The following ADAMTSL1 variants were observed in gnomAD, a reference collection of about 807,000 sequenced individuals.
ADAMTSL1 encodes the protein ADAMTS like 1.
A neutral mutation model predicts 201.8 loss-of-function variants in ADAMTSL1; 126 were observed. The ratio of observed to expected loss-of-function variants is 0.62; its 90% confidence interval spans 0.54 to 0.72. The LOEUF (loss-of-function observed/expected upper bound fraction) is 0.72. Among genes scored for constraint, ADAMTSL1 ranks in the 30% least tolerant of loss-of-function variants. The probability of loss-of-function intolerance (pLI) is 0.00; values close to 1 mark genes in which losing one functional copy is unlikely to be tolerated. For synonymous variants in ADAMTSL1, 1,121 were observed against 903.4 expected, an observed-to-expected ratio of 1.24 and a Z score of -4.32; for missense variants, 2,679 against 2,277.8, an observed-to-expected ratio of 1.18 and a Z score of -3.59.
chr9:18,838,322 T>A (rs1178662771), intron 23 of ADAMTSL1, among the ~76,000 whole-genome samples: 1 of 149,174 alleles, frequency 6.7e-6, no homozygotes. Flanking sequence ...GAGGTATAAT[T>A]CAAATGAGAT....
At chr9:18,350,498 A>G (rs1486248552) in intron 2 of ADAMTSL1, among the ~76,000 whole-genome samples, 1 of 148,086 alleles carries the variant, frequency 6.8e-6, no homozygotes, top group Non-Finnish European at 1.5e-5. Context: ...GAGAAGGGAA[A>G]GGAGCAAGGA....
At chr9:18,147,723 T>C (rs1826708508) in intron 1 of ADAMTSL1, among the ~76,000 whole-genome samples, 1 of 152,146 alleles carries the variant, frequency 6.6e-6, no homozygotes, top group South Asian at 2.1e-4. Flanking sequence ...AAAGCAACTG[T>C]AGAAACTGTT....
chr9:18,905,647 G>A, intron 26 of ADAMTSL1, 135 bp from the exon 27 acceptor site: 1 of 650,248 alleles, frequency 1.5e-6, no homozygotes, highest in South Asian at 1.8e-5. Context: ...TTAGCCCAAA[G>A]AGGGGAAAGA....
At chr9:18,325,781 C>T (rs1024902751) in intron 2 of ADAMTSL1, among the ~76,000 whole-genome samples, 1 of 150,788 alleles carries the variant, frequency 6.6e-6, no homozygotes, top group Non-Finnish European at 1.5e-5. Context: ...TGCTCTTTGG[C>T]TTAGGCTGGA....
chr9:18,115,585 G>T (rs568191803), intron 1 of ADAMTSL1, among the ~76,000 whole-genome samples: 1 of 152,232 alleles, frequency 6.6e-6, no homozygotes. Flanking sequence ...ACTTAAAGAG[G>T]ATTTACTGTG....
chr9:17,931,230 C>T (rs1826770876), intron 1 of ADAMTSL1, among the ~76,000 whole-genome samples: 1 of 152,184 alleles, frequency 6.6e-6, no homozygotes, highest in South Asian at 2.1e-4. Flanking sequence ...TTCTTCCCGA[C>T]TCCACAGGAT....
At chr9:18,850,294 G>A (rs1826408269) in intron 23 of ADAMTSL1, among the ~76,000 whole-genome samples, 2 of 152,210 alleles carry the variant, frequency 1.3e-5, no homozygotes, top group African/African-American at 4.8e-5. Flanking sequence ...AATAGACAGG[G>A]ATTGAAAGTC....
chr9:18,828,696 A>ATATATATT lies in ADAMTSL1; in HGVS notation c.4115-1147_4115-1146insTATATATT, dbSNP rs1384860090. The stretch of plus-strand genomic sequence containing the variant: ...TATATATATATATATATATATATAA[A>ATATATATT]ATGTGTGTGTGTGTATATATATATA... On this transcript the variant is annotated intron_variant, in intron 22 of 28. Transcript: ENST00000380548. Among the ~76,000 whole-genome samples, 61 of 91,052 alleles carry ATATATATT rather than the reference A, an allele frequency of 6.7e-4. 1 individual carries two copies. In the South Asian group the frequency reaches 9.4e-3, roughly 14 times the overall value. The allele number at this position is 91,052 out of a possible 152,430, so 59.7% of individuals were successfully genotyped here.
At chr9:18,525,330 C>G (rs940222943) in intron 2 of ADAMTSL1, among the ~76,000 whole-genome samples, 1 of 152,116 alleles carries the variant, frequency 6.6e-6, no homozygotes, top group Non-Finnish European at 1.5e-5. Flanking sequence ...ATTCTTCTCT[C>G]TTTTCTTCTT....
chr9:18,892,030 C>T (rs1178755383), intron 25 of ADAMTSL1, among the ~76,000 whole-genome samples: 1 of 152,206 alleles, frequency 6.6e-6, no homozygotes, highest in Non-Finnish European at 1.5e-5. Context: ...CTTATGGCCA[C>T]ATCACTCCAC....
chr9:18,103,339 A>G (rs1357024841), intron 1 of ADAMTSL1, among the ~76,000 whole-genome samples: 3 of 152,286 alleles, frequency 2.0e-5, no homozygotes, highest in Admixed American at 2.0e-4. Flanking sequence ...TACATGCTAC[A>G]TATATTGTTA....
chr9:18,288,135 G>C (rs905450032), intron 2 of ADAMTSL1, among the ~76,000 whole-genome samples: 4 of 152,080 alleles, frequency 2.6e-5, no homozygotes, highest in African/African-American at 9.7e-5. Flanking sequence ...AATTCTAGGT[G>C]AAATAGGAAT....
At chr9:18,721,443 G>A in intron 14 of ADAMTSL1, 93 bp from the exon 15 acceptor site, 1 of 1,534,628 alleles carries the variant, frequency 6.5e-7, no homozygotes, top group Non-Finnish European at 8.8e-7. Context: ...ACAGAACACA[G>A]GGACCTCCCA....
At chr9:18,406,224 C>T (rs1563939196) in intron 2 of ADAMTSL1, among the ~76,000 whole-genome samples, 1 of 151,896 alleles carries the variant, frequency 6.6e-6, no homozygotes, top group Non-Finnish European at 1.5e-5. Context: ...TGAAGAATAC[C>T]CTATTCAAAG....
At chr9:18,607,944 A>T (rs1024747369) in intron 4 of ADAMTSL1, among the ~76,000 whole-genome samples, 1 of 152,160 alleles carries the variant, frequency 6.6e-6, no homozygotes, top group Non-Finnish European at 1.5e-5. Context: ...TCCATGGTGT[A>T]TTTGTGCCAC....
rs370207747 is a variant in ADAMTSL1 at position 18,770,620 on chromosome 9, G to A, written c.2236G>A (p.Gly746Arg). The change falls in exon 17 of 29, where the codon GGG (glycine) becomes AGG (arginine). Residue 746 changes from glycine to arginine, a missense_variant. Gly to Arg is a moderately radical substitution (Grantham distance 125). Coordinates refer to ENST00000380548, the MANE Select transcript of ADAMTSL1 (RefSeq NM_001040272.6). ...TCCCCAGTGTTCCAGAACGTGTGGC[G>A]GGGGTGTTCAGAAACGTGAGGTTCT... is the stretch of plus-strand genomic sequence containing the variant. ...QWQPCSRTCG[G>R]GVQKREVLCK... The A allele has an allele frequency of 7.6e-5, 122 of 1,612,632 alleles. No homozygotes were observed. Among genetic ancestry groups the A allele is most frequent in the Middle Eastern group, 1.7e-4 (1 of 5,966 alleles).
intron 2 of ADAMTSL1, among the ~76,000 whole-genome samples, chr9:18,363,047 A>C (rs553314716): frequency 6.6e-6 from 1 of 152,238 alleles, no homozygotes; most frequent in East Asian, 1.9e-4. Flanking sequence ...CCAAGAGGGC[A>C]GAAGCTGATA....
intron 4 of ADAMTSL1, among the ~76,000 whole-genome samples, chr9:18,616,048 CAA>C (rs1452101251): frequency 6.6e-6 from 1 of 151,542 alleles, no homozygotes; most frequent in Non-Finnish European, 1.5e-5. Context: ...TTTTTGGAGA[CAA>C]AGTCTCGTTC....
upstream of ADAMTSL1, chr9:18,474,069 CA>C: frequency 1.6e-5 from 9 of 578,346 alleles, no homozygotes; most frequent in East Asian, 3.0e-5. Context: ...GCTTACCCCC[CA>C]CCCATCCACC....
Sources: gnomAD v4.1 joint callset for allele counts (sites outside exome capture counted in the v4.1 genomes callset) on GRCh38, gnomAD v4.1.1 for gene constraint, MANE v1.5 for transcripts, NCBI Gene and HGNC (gene_info 2026-07-23, HGNC 2026-07-21) for gene names.